Variants in SLC37A1 observed in about 807,000 individuals in gnomAD.
SLC37A1 encodes the protein solute carrier family 37 member 1.
SLC37A1 carries 49 observed loss-of-function variants against 75.3 expected under a neutral mutation model. That is an observed-to-expected ratio of 0.65 (90% CI 0.52 to 0.83). The LOEUF is 0.83. Ranked by LOEUF, SLC37A1 falls within the 40% of genes least tolerant of loss-of-function variation. The pLI is 0.00. For synonymous variants in SLC37A1, 268 were observed against 292.1 expected (o/e 0.92, Z 0.84); for missense variants, 566 against 695.0 (o/e 0.81, Z 2.09).
chr21:42,574,014 C>CA (rs2056249709), intron 17 of SLC37A1, among the ~76,000 whole-genome samples: 1 of 64,074 alleles, frequency 1.6e-5, no homozygotes, highest in Non-Finnish European at 3.2e-5. Context: ...TCATCATGCA[C>CA]CCGTGTTTTT....
intron 1 of SLC37A1, chr21:42,502,188 G>C (rs1434908843): frequency 6.6e-6 from 1 of 152,180 alleles, no homozygotes; most frequent in African/African-American, 2.4e-5. Context: ...GTGAACACCT[G>C]TGAACCCCTG....
intron 1 of SLC37A1, among the ~76,000 whole-genome samples, chr21:42,517,142 C>T (rs1019900842): frequency 1.3e-5 from 2 of 152,188 alleles, no homozygotes; most frequent in Non-Finnish European, 1.5e-5. Context: ...GTGTTTGTTG[C>T]GCATTTACTA....
chr21:42,578,225 G>A (rs1313398512), intron 18 of SLC37A1, among the ~76,000 whole-genome samples: 1 of 152,202 alleles, frequency 6.6e-6, no homozygotes, highest in Non-Finnish European at 1.5e-5. Context: ...AGGACTGCCT[G>A]GCGCACGACC....
At chr21:42,526,023 A>G in intron 3 of SLC37A1, 166 bp downstream of exon 3, 2 of 563,042 alleles carry the variant, frequency 3.6e-6, no homozygotes, top group South Asian at 5.0e-5. Context: ...GCTAAAATTA[A>G]AGTCTTTTAA....
intron 2 of SLC37A1, among the ~76,000 whole-genome samples, chr21:42,505,564 G>C (rs1173940835): frequency 6.6e-6 from 1 of 152,126 alleles, no homozygotes; most frequent in Non-Finnish European, 1.5e-5. Flanking sequence ...GAGTTGGAAG[G>C]CTGGAGAGGC....
At position 42,566,352 on chromosome 21, in the gene SLC37A1, C is replaced by G. The variant is rs148267627; in HGVS notation, c.1270+477C>G. ...GGCCAGGAGCCAGGGCAGGTGGCCC[C>G]CCAGCCACCTCCTCCCAGCTTTGTC... On this transcript the variant is annotated intron_variant, in intron 15 of 19. Coordinates refer to ENST00000352133, the MANE Select transcript of SLC37A1 (RefSeq NM_001320537.2). Among the ~76,000 whole-genome samples, 928 of 152,244 alleles carry G rather than the reference C, an allele frequency of 6.1e-3. 8 individuals are homozygous for G. The highest frequency in any genetic ancestry group is 0.011 in the Non-Finnish European group (719 of 68,004).
chr21:42,521,890 G>A (rs866470787), intron 2 of SLC37A1, among the ~76,000 whole-genome samples: 4 of 152,204 alleles, frequency 2.6e-5, no homozygotes, highest in African/African-American at 9.7e-5. Context: ...TGGGTGTCTT[G>A]AAACAACAGG....
Position 42,547,228 on chromosome 21 carries a change from C to A in SLC37A1, c.768+88C>A. ...CTGCTCCTGCCTGTGCGGTGTCAGA[C>A]AGAAACACACAGGGTAGACAGAAGT... is the stretch of plus-strand genomic sequence containing the variant. On this transcript the variant is annotated intron_variant, in intron 9 of 19. Coordinates refer to ENST00000352133, the MANE Select transcript of SLC37A1 (RefSeq NM_001320537.2). The surrounding 1 kb of genome is among the most constrained non-coding windows in gnomAD (Gnocchi z 6.1). The A allele has an allele frequency of 7.3e-7, 1 of 1,379,000 alleles. No homozygotes were observed. The highest frequency in any genetic ancestry group is 1.0e-6 in the Non-Finnish European group (1 of 967,350). The allele number at this position is 1,379,000 out of a possible 1,614,324, so 85.4% of individuals were successfully genotyped here.
chr21:42,501,435 G>A (rs1308798273), intron 1 of SLC37A1, among the ~76,000 whole-genome samples: 1 of 152,212 alleles, frequency 6.6e-6, no homozygotes, highest in Non-Finnish European at 1.5e-5. Context: ...CCAGGGCCGG[G>A]AGCGGTGGCT....
At chr21:42,503,547 C>A (rs1258954177) in intron 2 of SLC37A1, among the ~76,000 whole-genome samples, 1 of 152,104 alleles carries the variant, frequency 6.6e-6, no homozygotes, top group Non-Finnish European at 1.5e-5. Context: ...CCACACCCAG[C>A]CTCCATTTTG....
At chr21:42,508,122 C>CTTTTTTTT (rs398036474) in intron 2 of SLC37A1, among the ~76,000 whole-genome samples, 2 of 80,948 alleles carry the variant, frequency 2.5e-5, no homozygotes, top group African/African-American at 4.8e-5. Flanking sequence ...AGAGTACGCT[C>CTTTTTTTT]TTTTTTTTTT....
chr21:42,576,827 T>C (rs555715466), intron 18 of SLC37A1, among the ~76,000 whole-genome samples: 19 of 152,172 alleles, frequency 1.2e-4, no homozygotes, highest in African/African-American at 4.6e-4. Context: ...AAGTGAAATA[T>C]AGATATGAAG....
intron 2 of SLC37A1, among the ~76,000 whole-genome samples, chr21:42,508,211 C>A (rs2054402984): frequency 6.9e-6 from 1 of 144,484 alleles, no homozygotes; most frequent in East Asian, 2.2e-4. Flanking sequence ...TCACTGCAAA[C>A]TCTGCCTCCC....
At position 42,547,398 on chromosome 21, in the gene SLC37A1, G is replaced by T. The variant is rs2055437041; in HGVS notation, c.768+258G>T. 4.6e-6 allele frequency: 2 copies of T among 436,594 alleles called. No homozygotes were observed. The highest frequency in any genetic ancestry group is 3.8e-5 in the Admixed American group (1 of 26,022). 27.0% of individuals were successfully genotyped at this position (436,594 alleles called of 1,614,324 possible). A position where few individuals can be genotyped will look rare whatever the true frequency, so the allele number is the denominator to read the frequency against. On this transcript the variant is annotated intron_variant, in intron 9 of 19. Coordinates refer to ENST00000352133, the MANE Select transcript of SLC37A1 (RefSeq NM_001320537.2). This position sits in a 1 kb window ranked among gnomAD's most constrained non-coding sequence, Gnocchi z 6.1. The stretch of plus-strand genomic sequence containing the variant: ...TCATGCTAAGGGGAACCAAAGGCTG[G>T]GCCCTGGCCAGGCCTCCTCAGGAGT...
At chr21:42,502,460 G>A (rs1229306506) in intron 2 of SLC37A1, 1 of 152,136 alleles carries the variant, frequency 6.6e-6, no homozygotes, top group Non-Finnish European at 1.5e-5. Context: ...TGGACAGGCA[G>A]TGTCTCATAG....
In SLC37A1 at chr21:42,547,402, C is replaced by T. The variant is rs556334664; in HGVS notation, c.768+262C>T. On this transcript the variant is annotated intron_variant, in intron 9 of 19. Coordinates refer to ENST00000352133, the MANE Select transcript of SLC37A1 (RefSeq NM_001320537.2). The surrounding 1 kb of genome is among the most constrained non-coding windows in gnomAD (Gnocchi z 6.1). The stretch of plus-strand genomic sequence containing the variant: ...GCTAAGGGGAACCAAAGGCTGGGCC[C>T]TGGCCAGGCCTCCTCAGGAGTGGAG... 1.0e-4 allele frequency: 44 copies of T among 426,806 alleles called. No homozygotes were observed. The South Asian group carries it at 1.6e-3, about 15-fold the overall frequency. 26.4% of individuals were successfully genotyped at this position (426,806 alleles called of 1,614,324 possible). A position where few individuals can be genotyped will look rare whatever the true frequency, so the allele number is the denominator to read the frequency against.
chr21:42,547,258 C>A lies in SLC37A1; in HGVS notation c.768+118C>A. 9.1e-7 allele frequency: 1 copy of A among 1,097,606 alleles called. No homozygotes were observed. Among genetic ancestry groups the A allele is most frequent in the Non-Finnish European group, 1.4e-6 (1 of 725,158 alleles). The allele number at this position is 1,097,606 out of a possible 1,614,324, so 68.0% of individuals were successfully genotyped here. On this transcript the variant is annotated intron_variant, in intron 9 of 19. Transcript: ENST00000352133. This position sits in a 1 kb window ranked among gnomAD's most constrained non-coding sequence, Gnocchi z 6.1. ...ACACACAGGGTAGACAGAAGTCCCA[C>A]CCTCAAAACATTGGCAGTTCTAGGA...
chr21:42,541,728 C>G (rs1019241565), intron 6 of SLC37A1, among the ~76,000 whole-genome samples: 1 of 152,166 alleles, frequency 6.6e-6, no homozygotes, highest in African/African-American at 2.4e-5. Context: ...AAGGTTTTCT[C>G]TCTTTAAAAA....
chr21:42,500,973 C>A (rs17115013), intron 1 of SLC37A1, among the ~76,000 whole-genome samples: 3,322 of 152,234 alleles, frequency 0.022, 110 homozygotes, highest in African/African-American at 0.076. Flanking sequence ...GTATTTTTCA[C>A]CCAGGAAGTG....
Sources: gnomAD v4.1 joint callset for allele counts (sites outside exome capture counted in the v4.1 genomes callset) on GRCh38, gnomAD v4.1.1 for gene constraint, Gnocchi (gnomAD v3.1) non-coding constraint, MANE v1.5 for transcripts, NCBI Gene and HGNC (gene_info 2026-07-23, HGNC 2026-07-21) for gene names.